The following BAZ1A variants were observed in gnomAD, a reference collection of about 807,000 sequenced individuals.
The protein encoded by BAZ1A is bromodomain adjacent to zinc finger domain protein 1A.
In BAZ1A, 50 loss-of-function variants were observed where a neutral mutation model predicts 185.2. The ratio of observed to expected loss-of-function variants is 0.27; its 90% CI spans 0.22 to 0.34. The LOEUF is 0.34. BAZ1A is among the 10% of genes least tolerant of loss of function. The probability of loss-of-function intolerance (pLI) is 1.00; values close to 1 mark genes in which losing one functional copy is unlikely to be tolerated. For missense variants in BAZ1A, 1,356 were observed against 1,839.9 expected, an observed-to-expected ratio of 0.74 and a Z score of 4.81; for synonymous variants, 571 against 615.6, an observed-to-expected ratio of 0.93 and a Z score of 1.07.
intron 25 of BAZ1A, among the ~76,000 whole-genome samples, chr14:34,755,811 C>CTTT (rs768269206): frequency 7.2e-6 from 1 of 138,750 alleles, no homozygotes; most frequent in African/African-American, 2.7e-5. Flanking sequence ...TAATACCTAT[C>CTTT]TTTTTTTTTT....
chr14:34,757,801 C>T (rs765734764), intron 25 of BAZ1A, among the ~76,000 whole-genome samples: 15 of 149,442 alleles, frequency 1.0e-4, no homozygotes, highest in Non-Finnish European at 1.9e-4. Context: ...GTGTGGACTG[C>T]AATGGCGCGA....
chr14:34,781,963 T>C (rs187881334), intron 16 of BAZ1A, among the ~76,000 whole-genome samples: 1 of 152,366 alleles, frequency 6.6e-6, no homozygotes, highest in East Asian at 1.9e-4. Context: ...TGGGTTGTTA[T>C]CACTTCTGGC....
rs2042736629 is a variant in BAZ1A at position 34,859,622 on chromosome 14, C to G, written c.392+2422G>C. Among the ~76,000 whole-genome samples, 4 of 152,104 alleles carry G rather than the reference C, an allele frequency of 2.6e-5. No individual in the cohort carries two copies. The South Asian group carries it at 8.3e-4, about 31-fold the overall frequency. ...GACCCCTTTTCTACTTAACTCTTAA[C>G]TGAGCCTCCTTTAAATCATGATTTT... On this transcript the variant is annotated intron_variant, in intron 3 of 26. Transcript: ENST00000360310.
At position 34,792,853 on chromosome 14, in the gene BAZ1A, G is replaced by A; in HGVS notation, c.1432C>T (p.Leu478=). The part of the protein sequence containing the change: ...GPLCELLFFF[L]TAIFQAIAEE... ...GCTATTGCCTGGAAGATTGCAGTCAGGAAGAAAAAAAGCAATTCACACAGT... is the reference window on the plus strand; with the variant it reads ...GCTATTGCCTGGAAGATTGCAGTCAAGAAGAAAAAAAGCAATTCACACAGT... The change falls in exon 12 of 27, where the codon CTG becomes TTG. Residue 478 remains leucine (L), a synonymous_variant. Coordinates refer to ENST00000360310, the MANE Select transcript of BAZ1A (RefSeq NM_013448.3). The A allele has an allele frequency of 6.2e-7, 1 of 1,613,478 alleles. No individual in the cohort carries two copies. The highest frequency in any genetic ancestry group is 8.5e-7 in the Non-Finnish European group (1 of 1,179,850).
Position 34,785,925 on chromosome 14 carries a change from A to G in BAZ1A, c.1683T>C (p.Gly561=). The change falls in exon 14 of 27, where the codon GGT becomes GGC. Residue 561 remains glycine (G), a synonymous_variant. Transcript: ENST00000360310. ...EILRLHILAS[G]ADVTSANAKY... ...TTGCATTTGCTGATGTTACATCAGC[A>G]CCTGAAGCTAAGATGTGCAGTCTGA... 1 of 1,614,154 alleles carries G rather than the reference A, an allele frequency of 6.2e-7. No individual in the cohort carries two copies. The highest frequency in any genetic ancestry group is 8.5e-7 in the Non-Finnish European group (1 of 1,180,038).
In BAZ1A at chr14:34,762,200, T is replaced by C. The variant is rs1189638150; in HGVS notation, c.3800A>G (p.Gln1267Arg). 9.9e-6 allele frequency: 16 copies of C among 1,614,122 alleles called. No homozygotes were observed. The highest frequency in any genetic ancestry group is 1.3e-5 in the African/African-American group (1 of 75,046). Reference sequence around the variant, plus strand: ...TCTTGTTTTAACTGGCAATCTAACTTGTGGTCTTCCTCGTTTGGGTAGGCT... The same window carrying C: ...TCTTGTTTTAACTGGCAATCTAACTCGTGGTCTTCCTCGTTTGGGTAGGCT... ...EVSLPKRGRP[Q>R]VRLPVKTRGK... is the part of the protein sequence containing the mutation. The change falls in exon 24 of 27, where the codon CAA becomes CGA. Residue 1267 changes from glutamine to arginine, a missense_variant. Coordinates refer to ENST00000360310, the MANE Select transcript of BAZ1A (RefSeq NM_013448.3).
At position 34,797,870 on chromosome 14, in the gene BAZ1A, C is replaced by T. The variant is rs991692449; in HGVS notation, c.1129-2105G>A. ...GGGCGGGCCGAAGCAGGGCGGGCATCGCCTCACCCGGGAAGTGCAAGGGGT... is the reference window on the plus strand; with the variant it reads ...GGGCGGGCCGAAGCAGGGCGGGCATTGCCTCACCCGGGAAGTGCAAGGGGT... On this transcript the variant is annotated intron_variant, in intron 9 of 26. Transcript: ENST00000360310. Among the ~76,000 whole-genome samples the T allele has an allele frequency of 3.9e-5, 6 of 152,336 alleles. No homozygotes were observed. In the East Asian group the frequency reaches 5.8e-4, roughly 15 times the overall value.
At position 34,753,298 on chromosome 14, in the gene BAZ1A, TC is replaced by T; in HGVS notation, c.*209del. On this transcript the variant is annotated 3_prime_UTR_variant, in exon 27 of 27. Transcript: ENST00000360310. Reference sequence around the variant, plus strand: ...GTAAACCAGTACTGTATCCAATACATCTATCAAACTTATTAGATACTGAACA... The same window carrying T: ...GTAAACCAGTACTGTATCCAATACATTATCAAACTTATTAGATACTGAACA... The T allele has an allele frequency of 1.8e-6, 1 of 542,824 alleles. No individual in the cohort carries two copies. The highest frequency in any genetic ancestry group is 2.6e-5 in the South Asian group (1 of 37,832). 33.6% of individuals were successfully genotyped at this position (542,824 alleles called of 1,614,324 possible).
chr14:34,769,743 G>A (rs1879087251), intron 21 of BAZ1A, among the ~76,000 whole-genome samples: 1 of 152,134 alleles, frequency 6.6e-6, no homozygotes, highest in African/African-American at 2.4e-5. Context: ...TATAAAACCT[G>A]CATGATTTGC....
intron 3 of BAZ1A, among the ~76,000 whole-genome samples, chr14:34,850,015 C>T (rs2138785850): frequency 6.6e-6 from 1 of 152,288 alleles, no homozygotes; most frequent in African/African-American, 2.4e-5. Flanking sequence ...TATCCCCCAT[C>T]AGAGCCCTAC....
chr14:34,796,884 A>G (rs1474662986), intron 9 of BAZ1A, among the ~76,000 whole-genome samples: 1 of 152,242 alleles, frequency 6.6e-6, no homozygotes, highest in Non-Finnish European at 1.5e-5. Context: ...ATAGGATCAA[A>G]TAAGGTTAAC....
chr14:34,777,003 A>G (rs935245785), intron 17 of BAZ1A, among the ~76,000 whole-genome samples: 2 of 152,336 alleles, frequency 1.3e-5, no homozygotes, highest in East Asian at 1.9e-4. Context: ...TAAGAAATCA[A>G]TATACTTAAA....
chr14:34,827,085 A>G (rs368785584), intron 3 of BAZ1A, among the ~76,000 whole-genome samples: 1 of 150,438 alleles, frequency 6.6e-6, no homozygotes, highest in African/African-American at 2.4e-5. Flanking sequence ...CCCTTCTCCT[A>G]TCTCTCTCTC....
At chr14:34,756,558 T>A (rs560933601) in intron 25 of BAZ1A, among the ~76,000 whole-genome samples, 2 of 136,774 alleles carry the variant, frequency 1.5e-5, no homozygotes, top group Non-Finnish European at 1.5e-5. Flanking sequence ...CTCCGCCTCC[T>A]GGGTTCAAGC....
chr14:34,791,756 C>T (rs1594844714), intron 12 of BAZ1A, among the ~76,000 whole-genome samples: 1 of 152,144 alleles, frequency 6.6e-6, no homozygotes, highest in Non-Finnish European at 1.5e-5. Context: ...AGTTTCTGGT[C>T]CTAAATCTCA....
intron 6 of BAZ1A, among the ~76,000 whole-genome samples, chr14:34,806,880 G>T (rs1393018275): frequency 6.6e-6 from 1 of 151,490 alleles, no homozygotes; most frequent in African/African-American, 2.4e-5. Context: ...TTCCTAAGTA[G>T]CTGGGACTAC....
At chr14:34,868,479 C>G (rs2042896996) in intron 2 of BAZ1A, among the ~76,000 whole-genome samples, 1 of 151,994 alleles carries the variant, frequency 6.6e-6, no homozygotes. Context: ...AACTAAAAAC[C>G]TAGTAGGGGA....
intron 3 of BAZ1A, among the ~76,000 whole-genome samples, chr14:34,845,088 C>G (rs1472104778): frequency 6.6e-6 from 1 of 151,886 alleles, no homozygotes; most frequent in African/African-American, 2.4e-5. Context: ...ACTATTTGAA[C>G]CTTTGTGTTT....
At chr14:34,811,514 G>GA (rs1184050800) in intron 4 of BAZ1A, among the ~76,000 whole-genome samples, 1 of 151,876 alleles carries the variant, frequency 6.6e-6, no homozygotes, top group African/African-American at 2.4e-5. Flanking sequence ...AGGCTGGAGT[G>GA]CAATGGAATC....
Sources: allele counts gnomAD v4.1 joint callset (sites outside exome capture counted in the v4.1 genomes callset), GRCh38; gene constraint gnomAD v4.1.1; transcripts MANE v1.5; gene names NCBI Gene and HGNC (gene_info 2026-07-23, HGNC 2026-07-21).